MAGI1: variants seen among roughly 807,000 people sequenced by gnomAD.
MAGI1 encodes membrane associated guanylate kinase, WW and PDZ domain containing 1.
A neutral mutation model predicts 139.9 loss-of-function variants in MAGI1; 58 were observed. The ratio of observed to expected loss-of-function variants is 0.41; its 90% CI spans 0.34 to 0.52. MAGI1 has a LOEUF of 0.52. Among genes scored for constraint, MAGI1 ranks in the 20% least tolerant of loss-of-function variants. The pLI is 0.12. For missense variants in MAGI1, 1,874 were observed against 1,901.6 expected (o/e 0.99, Z 0.27); for synonymous variants, 812 against 737.9 (o/e 1.10, Z -1.63).
chr3:66,002,185 T>C (rs1210494174), intron 1 of MAGI1, among the ~76,000 whole-genome samples: 1 of 152,180 alleles, frequency 6.6e-6, no homozygotes, highest in Non-Finnish European at 1.5e-5. Context: ...AAATAAGGCA[T>C]TTTAAATTCG....
chr3:66,010,165 C>T (rs764623477), intron 1 of MAGI1, among the ~76,000 whole-genome samples: 13 of 143,990 alleles, frequency 9.0e-5, no homozygotes, highest in Non-Finnish European at 1.7e-4. Context: ...TTAGCCACAA[C>T]ATTAAGCAAT....
At position 66,019,390 on chromosome 3, in the gene MAGI1, A is replaced by T. The variant is rs563254292; in HGVS notation, c.313+18606T>A. On this transcript the variant is annotated intron_variant, in intron 1 of 22. Coordinates refer to ENST00000402939, the MANE Select transcript of MAGI1 (RefSeq NM_001033057.2). ...GTGGCACTTCCCAGATGTAACAATC[A>T]AAACTGTCTTCAGACATTGCCAAAT... Among the ~76,000 whole-genome samples the T allele has an allele frequency of 5.9e-5, 9 of 152,294 alleles. No individual in the cohort carries two copies. The East Asian group carries it at 1.7e-3, about 29-fold the overall frequency.
intron 1 of MAGI1, among the ~76,000 whole-genome samples, chr3:65,670,097 C>G (rs560348645): frequency 1.8e-4 from 28 of 152,220 alleles, no homozygotes; most frequent in Middle Eastern, 3.4e-3. Flanking sequence ...TCGATTTTAG[C>G]AGAATTCATG....
At chr3:65,775,999 A>G (rs536881180) in intron 1 of MAGI1, among the ~76,000 whole-genome samples, 1 of 152,222 alleles carries the variant, frequency 6.6e-6, no homozygotes, top group East Asian at 1.9e-4. Context: ...TATTTGCAAA[A>G]CAAAAACATT....
chr3:65,400,970 A>C (rs1047108180), intron 13 of MAGI1, among the ~76,000 whole-genome samples: 1 of 151,892 alleles, frequency 6.6e-6, no homozygotes, highest in Non-Finnish European at 1.5e-5. Flanking sequence ...TATTTTGTAA[A>C]TAATTCATCC....
chr3:65,952,799 G>A (rs2063931633), intron 1 of MAGI1, among the ~76,000 whole-genome samples: 1 of 152,160 alleles, frequency 6.6e-6, no homozygotes, highest in South Asian at 2.1e-4. Context: ...CGGCGACAGA[G>A]CGAGACTTCA....
chr3:65,358,958 G>C, intron 22 of MAGI1: 3 of 989,822 alleles, frequency 3.0e-6, no homozygotes, highest in Non-Finnish European at 4.8e-6. Context: ...AAAGAACGCA[G>C]GGTGCTCAGA....
intron 1 of MAGI1, among the ~76,000 whole-genome samples, chr3:65,998,441 C>A (rs1486995642): frequency 1.3e-5 from 2 of 152,100 alleles, no homozygotes; most frequent in African/African-American, 4.8e-5. Context: ...GCTGAAGTAA[C>A]AAATGAAAAG....
intron 2 of MAGI1, among the ~76,000 whole-genome samples, chr3:65,531,399 G>T (rs1055443076): frequency 6.6e-6 from 1 of 151,624 alleles, no homozygotes; most frequent in Non-Finnish European, 1.5e-5. Flanking sequence ...TCGGGTGAAG[G>T]GTACACAGGA....
At chr3:66,025,789 G>A (rs1188603763) in intron 1 of MAGI1, among the ~76,000 whole-genome samples, 2 of 151,842 alleles carry the variant, frequency 1.3e-5, no homozygotes, top group Non-Finnish European at 2.9e-5. Context: ...CGGGCAATTC[G>A]GACATATTTT....
chr3:65,482,135 G>A (rs1279080766), intron 3 of MAGI1, among the ~76,000 whole-genome samples: 2 of 152,296 alleles, frequency 1.3e-5, no homozygotes, highest in Non-Finnish European at 2.9e-5. Flanking sequence ...AAAAGGCTTG[G>A]AAGAGACAGC....
At chr3:65,785,533 C>T (rs751089200) in intron 1 of MAGI1, among the ~76,000 whole-genome samples, 3 of 152,172 alleles carry the variant, frequency 2.0e-5, no homozygotes, top group Non-Finnish European at 4.4e-5. Context: ...TCTTGTCATA[C>T]AAGAGGTTAT....
chr3:65,564,259 GA>G (rs549225992), intron 2 of MAGI1, among the ~76,000 whole-genome samples: 88 of 142,686 alleles, frequency 6.2e-4, no homozygotes, highest in East Asian at 1.0e-3. Flanking sequence ...AATCTTCTAA[GA>G]AAAAAAAAAA....
rs554860774 is a variant in MAGI1 at position 65,404,100 on chromosome 3, T to C, written c.2168-2630A>G. Among the ~76,000 whole-genome samples, 393 of 152,280 alleles carry C rather than the reference T, an allele frequency of 2.6e-3. 3 individuals carry two copies. The highest frequency in any genetic ancestry group is 4.4e-3 in the Non-Finnish European group (298 of 68,016). ...ATGAACGTCCACATCAAATGGATAA[T>C]GGGGATATGTTCAATAGTGGCAAGG... On this transcript the variant is annotated intron_variant, in intron 12 of 22. Transcript: ENST00000402939.
At chr3:65,621,190 G>T (rs1559728214) in intron 2 of MAGI1, among the ~76,000 whole-genome samples, 1 of 152,142 alleles carries the variant, frequency 6.6e-6, no homozygotes, top group Non-Finnish European at 1.5e-5. Flanking sequence ...TAAATTCTAA[G>T]TAATAAAACC....
intron 12 of MAGI1, among the ~76,000 whole-genome samples, chr3:65,411,991 C>T (rs933482286): frequency 6.6e-5 from 10 of 152,224 alleles, no homozygotes; most frequent in Middle Eastern, 3.4e-3. Flanking sequence ...CTTTATTATC[C>T]GCACCGAGGC....
chr3:65,413,915 G>A (rs539536086), intron 12 of MAGI1, among the ~76,000 whole-genome samples: 1 of 152,238 alleles, frequency 6.6e-6, no homozygotes, highest in South Asian at 2.1e-4. Flanking sequence ...AACAAGATGT[G>A]TAACAAAGCA....
At chr3:65,543,957 T>A (rs528901012) in intron 2 of MAGI1, among the ~76,000 whole-genome samples, 2 of 152,144 alleles carry the variant, frequency 1.3e-5, no homozygotes, top group African/African-American at 4.8e-5. Flanking sequence ...GAAAAGCCAA[T>A]CATTTTAGAC....
At chr3:65,944,828 C>A (rs1462437333) in intron 1 of MAGI1, among the ~76,000 whole-genome samples, 3 of 152,080 alleles carry the variant, frequency 2.0e-5, no homozygotes, top group Non-Finnish European at 4.4e-5. Flanking sequence ...AGGTGGATAA[C>A]CCAACAATAG....
Sources: allele counts gnomAD v4.1 joint callset (sites outside exome capture counted in the v4.1 genomes callset), GRCh38; gene constraint gnomAD v4.1.1; transcripts MANE v1.5; gene names NCBI Gene and HGNC (gene_info 2026-07-23, HGNC 2026-07-21).